LBH: variants seen among roughly 807,000 people sequenced by gnomAD.
The protein encoded by LBH is protein LBH.
Under a neutral mutation model 12.5 loss-of-function variants are expected in LBH, and 7 were observed. The ratio of observed to expected loss-of-function variants is 0.56; its 90% CI spans 0.32 to 1.05. The LOEUF (loss-of-function observed/expected upper bound fraction) is 1.05. Among genes scored for constraint, LBH ranks in the 50% least tolerant of loss-of-function variants. LBH has a pLI of 0.04. For synonymous variants in LBH, 51 were observed against 50.1 expected (o/e 1.02, Z -0.08); for missense variants, 119 against 138.9 (o/e 0.86, Z 0.72).
chr2:30,258,216 A>G lies in LBH; in HGVS notation c.*595A>G, dbSNP rs1214082671. The stretch of plus-strand genomic sequence containing the variant: ...TTTCAGGTGTGTTGGTCTATATGAC[A>G]GGGAGGAGAGTAAAGGAGAGCAGGA... On this transcript the variant is annotated 3_prime_UTR_variant, in exon 3 of 3. Coordinates refer to ENST00000395323, the MANE Select transcript of LBH (RefSeq NM_030915.4). 2 of 153,004 alleles carry G rather than the reference A, an allele frequency of 1.3e-5. No homozygotes were observed. The highest frequency in any genetic ancestry group is 2.9e-5 in the Non-Finnish European group (2 of 68,736). 9.5% of individuals were successfully genotyped at this position (153,004 alleles called of 1,614,324 possible).
rs1678109770 is a variant in LBH at position 30,257,680 on chromosome 2, T to A, written c.*59T>A. On this transcript the variant is annotated 3_prime_UTR_variant, in exon 3 of 3. Transcript: ENST00000395323. The stretch of plus-strand genomic sequence containing the variant: ...AGCATCTGTTCCTGAACTGTGTTTT[T>A]CCCATCATGACGGAAGAAGAGAGTG... The A allele has an allele frequency of 7.5e-7, 1 of 1,332,880 alleles. No individual in the cohort carries two copies. 82.6% of individuals were successfully genotyped at this position (1,332,880 alleles called of 1,614,324 possible).
chr2:30,231,674 C>G lies in LBH; in HGVS notation c.-65C>G. The G allele has an allele frequency of 6.6e-7, 1 of 1,510,874 alleles. No homozygotes were observed. The highest frequency in any genetic ancestry group is 9.1e-7 in the Non-Finnish European group (1 of 1,095,586). The allele number at this position is 1,510,874 out of a possible 1,614,324, so 93.6% of individuals were successfully genotyped here. A position where few individuals can be genotyped will look rare whatever the true frequency, so the allele number is the denominator to read the frequency against. ...CGTGCCCGTCTGCGCCCGTGTCATC[C>G]TCACTCGGGACGCAGGGACCGTTTT... On this transcript the variant is annotated 5_prime_UTR_variant, in exon 1 of 3. Coordinates refer to ENST00000395323, the MANE Select transcript of LBH (RefSeq NM_030915.4).
At chr2:30,231,868 G>C in intron 1 of LBH, 104 bp downstream of exon 1, 1 of 1,067,032 alleles carries the variant, frequency 9.4e-7, no homozygotes, top group Non-Finnish European at 1.2e-6. Context: ...CCGGCGGCGC[G>C]GGCGCTCAGC....
intron 2 of LBH, among the ~76,000 whole-genome samples, chr2:30,248,247 C>T (rs948580346): frequency 3.3e-5 from 5 of 152,082 alleles, no homozygotes; most frequent in African/African-American, 4.8e-5. Context: ...AGACGTCTTG[C>T]GTGGGGCAAA....
At chr2:30,232,424 G>A in intron 1 of LBH, 3 of 622,226 alleles carry the variant, frequency 4.8e-6, no homozygotes, top group Non-Finnish European at 7.6e-6. Flanking sequence ...CGGGCCGGGC[G>A]CGGGGCGTCG....
intron 2 of LBH, among the ~76,000 whole-genome samples, chr2:30,240,124 T>C (rs1299068169): frequency 6.6e-6 from 1 of 152,224 alleles, no homozygotes; most frequent in African/African-American, 2.4e-5. Context: ...GGCTGCTCTT[T>C]GTTTCTAAGA....
At chr2:30,238,535 C>A (rs530098339) in intron 2 of LBH, among the ~76,000 whole-genome samples, 18 of 152,312 alleles carry the variant, frequency 1.2e-4, no homozygotes, top group Non-Finnish European at 2.2e-4. Flanking sequence ...AGGGAGGAAG[C>A]CAGGAGGAGC....
intron 2 of LBH, among the ~76,000 whole-genome samples, chr2:30,239,076 A>G (rs1677739965): frequency 6.6e-6 from 1 of 151,880 alleles, no homozygotes; most frequent in Non-Finnish European, 1.5e-5. Context: ...TTTTTAGTAG[A>G]GACGGGGTCT....
In LBH at chr2:30,257,462, C is replaced by T. The variant is rs2103564842; in HGVS notation, c.159C>T (p.Arg53=). Residue 53 remains arginine, a synonymous_variant, in exon 3 of 3, where the codon CGC becomes CGT. Transcript: ENST00000395323. Reference sequence around the variant, plus strand: ...TCCCAGACCCGTCAGATTTTGACCGCTGCTGCAAACTGAAGGACCGTCTGC... The same window carrying T: ...TCCCAGACCCGTCAGATTTTGACCGTTGCTGCAAACTGAAGGACCGTCTGC... The part of the protein sequence containing the change: ...QIFPDPSDFD[R]CCKLKDRLPS... The T allele has an allele frequency of 6.2e-7, 1 of 1,614,142 alleles. No homozygotes were observed. The highest frequency in any genetic ancestry group is 2.2e-5 in the East Asian group (1 of 44,880).
chr2:30,255,218 C>T (rs977206521), intron 2 of LBH, among the ~76,000 whole-genome samples: 3 of 152,256 alleles, frequency 2.0e-5, no homozygotes. Context: ...TTGGAGGGCG[C>T]CTTGTGTCCT....
intron 2 of LBH, among the ~76,000 whole-genome samples, chr2:30,235,492 T>C (rs1248990904): frequency 2.6e-4 from 39 of 151,944 alleles, no homozygotes; most frequent in Admixed American, 2.6e-3. Flanking sequence ...TTACCACAGC[T>C]CCCAGGCGGG....
At chr2:30,237,053 T>A (rs148824901) in intron 2 of LBH, among the ~76,000 whole-genome samples, 6 of 152,152 alleles carry the variant, frequency 3.9e-5, no homozygotes, top group Non-Finnish European at 8.8e-5. Flanking sequence ...GCTCTGGGGA[T>A]TGGCTGGGAC....
intron 1 of LBH, 74 bp downstream of exon 1, chr2:30,231,838 G>T: frequency 7.2e-7 from 1 of 1,381,828 alleles, no homozygotes; most frequent in South Asian, 1.6e-5. Context: ...GCTTCGTGCC[G>T]GCTCCGGGTG....
chr2:30,231,819 CG>C, intron 1 of LBH, 55 bp downstream of exon 1: 1 of 1,501,336 alleles, frequency 6.7e-7, no homozygotes, highest in Non-Finnish European at 8.9e-7. Flanking sequence ...GCTGCGGGCC[CG>C]GGCGCCTGCT....
chr2:30,257,617 A>G lies in LBH; in HGVS notation c.314A>G (p.Gln105Arg). 9 of 1,608,352 alleles carry G rather than the reference A, an allele frequency of 5.6e-6. No homozygotes were observed. Among genetic ancestry groups the G allele is most frequent in the Non-Finnish European group, 7.6e-6 (9 of 1,176,738 alleles). The change falls in exon 3 of 3, where the codon CAG becomes CGG. Residue 105 changes from glutamine (Q) to arginine (R), a missense_variant. Coordinates refer to ENST00000395323, the MANE Select transcript of LBH (RefSeq NM_030915.4). The part of the protein sequence containing the change: ...CEETAKENKE[Q>R] The stretch of plus-strand genomic sequence containing the variant: ...GAGACAGCGAAAGAAAATAAAGAGC[A>G]GTAGAGTCCCTGTGGACTCCCATGG...
intron 1 of LBH, chr2:30,232,490 C>A: frequency 2.6e-6 from 1 of 386,818 alleles, no homozygotes. Flanking sequence ...AGAGGCAGGC[C>A]CCTGACTGCT....
At chr2:30,246,000 G>A (rs1424693321) in intron 2 of LBH, among the ~76,000 whole-genome samples, 17 of 141,300 alleles carry the variant, frequency 1.2e-4, no homozygotes, top group East Asian at 6.2e-4. Context: ...ATCTCACTCC[G>A]TCACCCAGGA....
In LBH at chr2:30,258,682, G is replaced by A. The variant is rs899871300; in HGVS notation, c.*1061G>A. 6.6e-6 allele frequency: 1 copy of A among 152,496 alleles called. No individual in the cohort carries two copies. Among genetic ancestry groups the A allele is most frequent in the African/African-American group, 2.4e-5 (1 of 41,452 alleles). The allele number at this position is 152,496 out of a possible 1,614,324, so 9.4% of individuals were successfully genotyped here. On this transcript the variant is annotated 3_prime_UTR_variant, in exon 3 of 3. Transcript: ENST00000395323. The stretch of plus-strand genomic sequence containing the variant: ...AGCTGCAGTACTCACGCCCCATGGG[G>A]GATCTTGGTCTGTTTTTCTTGTGGG...
chr2:30,257,675 G>A lies in LBH; in HGVS notation c.*54G>A. The A allele has an allele frequency of 7.4e-7, 1 of 1,355,480 alleles. No individual in the cohort carries two copies. The highest frequency in any genetic ancestry group is 1.5e-5 in the African/African-American group (1 of 68,094). 84.0% of individuals were successfully genotyped at this position (1,355,480 alleles called of 1,614,324 possible). Reference sequence around the variant, plus strand: ...CAGCCAGCATCTGTTCCTGAACTGTGTTTTTCCCATCATGACGGAAGAAGA... The same window carrying A: ...CAGCCAGCATCTGTTCCTGAACTGTATTTTTCCCATCATGACGGAAGAAGA... On this transcript the variant is annotated 3_prime_UTR_variant, in exon 3 of 3. Transcript: ENST00000395323.
Sources: allele counts gnomAD v4.1 joint callset (sites outside exome capture counted in the v4.1 genomes callset), GRCh38; gene constraint gnomAD v4.1.1; transcripts MANE v1.5; gene names NCBI Gene and HGNC (gene_info 2026-07-23, HGNC 2026-07-21).